The following GALNTL6 variants were observed in gnomAD, a reference collection of about 807,000 sequenced individuals.
GALNTL6 encodes polypeptide N-acetylgalactosaminyltransferase like 6, also known as polypeptide N-acetylgalactosaminyltransferase-like 6.
In GALNTL6, 46 loss-of-function variants were observed where a neutral mutation model predicts 73.7. The observed-to-expected ratio is 0.62, with a 90% CI of 0.49 to 0.80. The LOEUF is 0.80. Ranked by LOEUF, GALNTL6 falls within the 30% of genes least tolerant of loss-of-function variation. GALNTL6 has a pLI of 0.00. For missense variants in GALNTL6, 604 were observed against 755.0 expected (o/e 0.80, Z 2.34); for synonymous variants, 259 against 263.7 (o/e 0.98, Z 0.17).
chr4:172,574,402 CATAA>C (rs1736884846), intron 5 of GALNTL6, among the ~76,000 whole-genome samples: 1 of 151,378 alleles, frequency 6.6e-6, no homozygotes, highest in Non-Finnish European at 1.5e-5. Flanking sequence ...CCTTACCCCA[CATAA>C]ATAAATTGTT....
chr4:172,972,677 ATAGT>A lies in GALNTL6; in HGVS notation c.1371+20421_1371+20424del, dbSNP rs368214642. ...CAGGAAAGGTAGACGGTGGGCTGAG[ATAGT>A]TTGTTACTCTAGAAAGTAGAAAGGG... On this transcript the variant is annotated intron_variant, in intron 10 of 12. Transcript: ENST00000506823. Among the ~76,000 whole-genome samples, 592 of 152,294 alleles carry A rather than the reference ATAGT, an allele frequency of 3.9e-3. 3 individuals are homozygous for A. The highest frequency in any genetic ancestry group is 0.014 in the African/African-American group (565 of 41,562).
At chr4:172,186,143 A>T (rs1735408448) in intron 2 of GALNTL6, among the ~76,000 whole-genome samples, 2 of 152,168 alleles carry the variant, frequency 1.3e-5, no homozygotes, top group Admixed American at 1.3e-4. Context: ...GAAAATTGGT[A>T]CACTTCTCCA....
At chr4:172,199,511 T>G (rs995768274) in intron 2 of GALNTL6, among the ~76,000 whole-genome samples, 3 of 152,224 alleles carry the variant, frequency 2.0e-5, no homozygotes, top group Admixed American at 2.0e-4. Context: ...AAATAATCTG[T>G]CTTTCCCAGT....
chr4:172,646,747 G>T (rs1740260166), intron 5 of GALNTL6, among the ~76,000 whole-genome samples: 1 of 151,846 alleles, frequency 6.6e-6, no homozygotes, highest in Non-Finnish European at 1.5e-5. Flanking sequence ...TCTTAAAATC[G>T]TTCTTCAAGT....
At chr4:172,214,338 C>G (rs1350477696) in intron 2 of GALNTL6, among the ~76,000 whole-genome samples, 2 of 151,936 alleles carry the variant, frequency 1.3e-5, no homozygotes, top group African/African-American at 2.4e-5. Flanking sequence ...AATAGCTTGT[C>G]AGGATTTTAG....
intron 5 of GALNTL6, among the ~76,000 whole-genome samples, chr4:172,741,947 TA>T (rs1418104761): frequency 2.6e-5 from 4 of 151,550 alleles, no homozygotes; most frequent in African/African-American, 7.3e-5. Context: ...CAATCCTATA[TA>T]AAACAATAGA....
At chr4:172,340,870 T>C (rs888326970) in intron 4 of GALNTL6, among the ~76,000 whole-genome samples, 1 of 152,244 alleles carries the variant, frequency 6.6e-6, no homozygotes, top group Admixed American at 6.5e-5. Flanking sequence ...TTCCTTTGTA[T>C]GCTTGCACTG....
chr4:172,477,787 C>T (rs1457391608), intron 5 of GALNTL6, among the ~76,000 whole-genome samples: 5 of 151,938 alleles, frequency 3.3e-5, no homozygotes, highest in African/African-American at 1.2e-4. Flanking sequence ...CAGATACATA[C>T]TGAGGAGGAA....
intron 2 of GALNTL6, among the ~76,000 whole-genome samples, chr4:171,860,645 G>A (rs1433252427): frequency 6.6e-6 from 1 of 152,140 alleles, no homozygotes; most frequent in East Asian, 1.9e-4. Context: ...CAGATTTTGA[G>A]GAGCATTGAT....
intron 5 of GALNTL6, among the ~76,000 whole-genome samples, chr4:172,663,032 AG>A (rs1366571533): frequency 1.3e-5 from 2 of 152,166 alleles, no homozygotes; most frequent in African/African-American, 4.8e-5. Flanking sequence ...GACAAGAAAA[AG>A]CTTGGCATGA....
chr4:172,027,128 A>G (rs1741612709), intron 2 of GALNTL6, among the ~76,000 whole-genome samples: 1 of 152,076 alleles, frequency 6.6e-6, no homozygotes, highest in Non-Finnish European at 1.5e-5. Context: ...CTGAGCTTCA[A>G]GCAATCCTCC....
intron 5 of GALNTL6, among the ~76,000 whole-genome samples, chr4:172,522,585 G>A (rs771534725): frequency 3.3e-5 from 5 of 151,494 alleles, no homozygotes; most frequent in African/African-American, 4.8e-5. Flanking sequence ...CAGGAGAATC[G>A]CTTGAACCCA....
intron 2 of GALNTL6, among the ~76,000 whole-genome samples, chr4:172,017,476 G>A (rs982346664): frequency 1.3e-5 from 2 of 152,036 alleles, no homozygotes; most frequent in Non-Finnish European, 2.9e-5. Flanking sequence ...GCGTTCTTCT[G>A]GGAGAAGCCC....
intron 2 of GALNTL6, among the ~76,000 whole-genome samples, chr4:172,049,822 A>G (rs1486809877): frequency 6.6e-6 from 1 of 152,062 alleles, no homozygotes; most frequent in East Asian, 1.9e-4. Flanking sequence ...CGTCTCTACT[A>G]AAAATACAAA....
At chr4:172,305,620 T>C (rs1740104415) in intron 3 of GALNTL6, among the ~76,000 whole-genome samples, 1 of 152,222 alleles carries the variant, frequency 6.6e-6, no homozygotes, top group Non-Finnish European at 1.5e-5. Flanking sequence ...CTGCTTTATT[T>C]TGTTTTGTTG....
chr4:172,983,135 AT>A (rs766753257), intron 10 of GALNTL6, among the ~76,000 whole-genome samples: 1 of 152,056 alleles, frequency 6.6e-6, no homozygotes, highest in African/African-American at 2.4e-5. Context: ...AAATTTATAC[AT>A]TTTTTTAAAA....
At chr4:172,257,429 T>C (rs1738117626) in intron 3 of GALNTL6, among the ~76,000 whole-genome samples, 1 of 151,460 alleles carries the variant, frequency 6.6e-6, no homozygotes, top group Admixed American at 6.6e-5. Context: ...AAGACTTTAG[T>C]CGGCCAGGAA....
intron 2 of GALNTL6, among the ~76,000 whole-genome samples, chr4:172,052,222 A>T (rs1317926299): frequency 1.3e-5 from 2 of 152,202 alleles, no homozygotes; most frequent in Non-Finnish European, 2.9e-5. Context: ...TATCCCGGTC[A>T]TGGAAATGGA....
chr4:172,127,153 A>G (rs1030356301), intron 2 of GALNTL6, among the ~76,000 whole-genome samples: 11 of 152,174 alleles, frequency 7.2e-5, no homozygotes, highest in African/African-American at 2.7e-4. Context: ...CTACTCAAGC[A>G]TTCTGATGTG....
Sources: gnomAD v4.1 joint callset for allele counts (sites outside exome capture counted in the v4.1 genomes callset) on GRCh38, gnomAD v4.1.1 for gene constraint, MANE v1.5 for transcripts, NCBI Gene and HGNC (gene_info 2026-07-23, HGNC 2026-07-21) for gene names.